Variants in RARA observed in about 807,000 individuals in gnomAD.
RARA encodes PML-DDX5-RARA fusion.
RARA carries 5 observed loss-of-function variants against 42.8 expected under a neutral mutation model. That is an observed-to-expected ratio of 0.12 (90% confidence interval 0.06 to 0.25). RARA has a LOEUF of 0.25. RARA is among the 10% of genes least tolerant of loss of function. The pLI is 1.00. For synonymous variants in RARA, 256 were observed against 259.5 expected (o/e 0.99, Z 0.13); for missense variants, 402 against 628.7 (o/e 0.64, Z 3.86).
rs777091819 is a variant in RARA, at chr17:40,356,392, A to AGACT, written c.*168_*169insCTGA. On this transcript the variant is annotated 3_prime_UTR_variant, in exon 9 of 9. Transcript: ENST00000254066. ...GGGAGGAGGCAGCGACTCCTTGGAC[A>AGACT]GAGGCCTGGGCCCTCAGTGGACTGC... 1.2e-6 allele frequency: 1 copy of AGACT among 822,046 alleles called. No homozygotes were observed. The allele number at this position is 822,046 out of a possible 1,614,324, so 50.9% of individuals were successfully genotyped here.
chr17:40,346,477 C>A (rs1298333653), intron 2 of RARA, among the ~76,000 whole-genome samples: 1 of 150,738 alleles, frequency 6.6e-6, no homozygotes, highest in African/African-American at 2.4e-5. Context: ...GGCCATGGTC[C>A]CCCCAACCCT....
In RARA at chr17:40,355,245, G is replaced by C. The variant is rs748505127; in HGVS notation, c.1013-18G>C. 45 of 1,553,912 alleles carry C rather than the reference G, an allele frequency of 2.9e-5. No homozygotes were observed. Among genetic ancestry groups the C allele is most frequent in the Non-Finnish European group, 3.9e-5 (45 of 1,148,114 alleles). On this transcript the variant is annotated intron_variant, in intron 7 of 8. Coordinates refer to ENST00000254066, the MANE Select transcript of RARA (RefSeq NM_000964.4). The surrounding 1 kb of genome is among the most constrained non-coding windows in gnomAD (Gnocchi z 4.1). The stretch of plus-strand genomic sequence containing the variant: ...AGCTGTGTTCCCAGCTGCTCAGGGG[G>C]TGGTTCTGCTTCCTCAGACCGCCAG...
chr17:40,334,076 G>A (rs565098290), intron 2 of RARA, among the ~76,000 whole-genome samples: 2 of 152,360 alleles, frequency 1.3e-5, no homozygotes, highest in Admixed American at 6.5e-5. Context: ...GAGGGTTGGA[G>A]GTGGGGGCTG....
intron 2 of RARA, among the ~76,000 whole-genome samples, chr17:40,333,061 T>C (rs1406221711): frequency 6.6e-6 from 1 of 152,224 alleles, no homozygotes; most frequent in Non-Finnish European, 1.5e-5. Flanking sequence ...TATTTATTTA[T>C]TTTTTTGAGA....
chr17:40,318,551 G>C (rs1251544106), intron 1 of RARA: 4 of 152,256 alleles, frequency 2.6e-5, no homozygotes, highest in Non-Finnish European at 4.4e-5. Flanking sequence ...CTGGGTACCG[G>C]GAGGCTTCCG....
At position 40,356,411 on chromosome 17, in the gene RARA, G is replaced by GGACT; in HGVS notation, c.*187_*190dup. On this transcript the variant is annotated 3_prime_UTR_variant, in exon 9 of 9. Coordinates refer to ENST00000254066, the MANE Select transcript of RARA (RefSeq NM_000964.4). Reference sequence around the variant, plus strand: ...TTGGACAGAGGCCTGGGCCCTCAGTGGACTGCCTGCTCCCACAGCCTGGGC... The same window carrying GGACT: ...TTGGACAGAGGCCTGGGCCCTCAGTGGACTGACTGCCTGCTCCCACAGCCTGGGC... 1 of 756,848 alleles carries GGACT rather than the reference G, an allele frequency of 1.3e-6. No individual in the cohort carries two copies. The highest frequency in any genetic ancestry group is 1.5e-5 in the South Asian group (1 of 67,658). The allele number at this position is 756,848 out of a possible 1,614,324, so 46.9% of individuals were successfully genotyped here.
At position 40,354,544 on chromosome 17, in the gene RARA, C is replaced by A; in HGVS notation, c.1012+38C>A. ...CCTGGGTCTGGGGGCTGGGCTGGGA[C>A]GGGGGTGCAGCCCTGGAGTCTCTTC... is the stretch of plus-strand genomic sequence containing the variant. On this transcript the variant is annotated intron_variant, in intron 7 of 8. Transcript: ENST00000254066. The surrounding 1 kb of genome is among the most constrained non-coding windows in gnomAD (Gnocchi z 4.5). 1 of 963,524 alleles carries A rather than the reference C, an allele frequency of 1.0e-6. No individual in the cohort carries two copies. Among genetic ancestry groups the A allele is most frequent in the Non-Finnish European group, 1.6e-6 (1 of 629,862 alleles). The allele number at this position is 963,524 out of a possible 1,614,324, so 59.7% of individuals were successfully genotyped here.
At position 40,335,947 on chromosome 17, in the gene RARA, G is replaced by A. The variant is rs138341233; in HGVS notation, c.178+4551G>A. On this transcript the variant is annotated intron_variant, in intron 2 of 8. Coordinates refer to ENST00000254066, the MANE Select transcript of RARA (RefSeq NM_000964.4). ...GAGCCTGAGAGGTTGAGGCTGCAGT[G>A]AGCTATGATCACGCCACTGCACTCC... Among the ~76,000 whole-genome samples the A allele has an allele frequency of 1.3e-3, 192 of 147,548 alleles. 2 individuals are homozygous for A. The highest frequency in any genetic ancestry group is 4.6e-3 in the African/African-American group (185 of 39,872).
chr17:40,332,086 G>T (rs1199064814), intron 2 of RARA, among the ~76,000 whole-genome samples: 1 of 152,232 alleles, frequency 6.6e-6, no homozygotes, highest in Non-Finnish European at 1.5e-5. Flanking sequence ...GAGGTCACTT[G>T]TTGGCTGGGC....
chr17:40,337,407 T>C (rs1271865876), intron 2 of RARA, among the ~76,000 whole-genome samples: 5 of 152,020 alleles, frequency 3.3e-5, no homozygotes, highest in African/African-American at 1.2e-4. Context: ...CTCCTCTCTG[T>C]TTTGGATCCT....
At chr17:40,349,736 C>T (rs1285726758) in intron 3 of RARA, 48 bp from the exon 4 acceptor site, 4 of 1,608,460 alleles carry the variant, frequency 2.5e-6, no homozygotes, top group African/African-American at 2.7e-5. Flanking sequence ...CCAGGCACTG[C>T]TCCCACTGTG....
At chr17:40,346,911 G>A (rs1003187931) in intron 2 of RARA, among the ~76,000 whole-genome samples, 1 of 152,228 alleles carries the variant, frequency 6.6e-6, no homozygotes, top group Non-Finnish European at 1.5e-5. Flanking sequence ...TGGTGCCCAG[G>A]CACTACTAAG....
chr17:40,345,014 T>C lies in RARA; in HGVS notation c.179-3302T>C, dbSNP rs568108436. On this transcript the variant is annotated intron_variant, in intron 2 of 8. Coordinates refer to ENST00000254066, the MANE Select transcript of RARA (RefSeq NM_000964.4). The surrounding 1 kb of genome is among the most constrained non-coding windows in gnomAD (Gnocchi z 4.8). ...GAAGGTGGGAAGAGCAGGTTGGCTC[T>C]GGGAGGAGGTGGCCTGGGTTCTGCA... Among the ~76,000 whole-genome samples the C allele has an allele frequency of 3.9e-5, 6 of 152,314 alleles. No individual in the cohort carries two copies. The East Asian group carries it at 1.2e-3, about 29-fold the overall frequency.
rs1198583772 is a variant in RARA, at chr17:40,321,735, C to T, written c.-362-9122C>T. On this transcript the variant is annotated intron_variant, in intron 1 of 8. Coordinates refer to ENST00000254066, the MANE Select transcript of RARA (RefSeq NM_000964.4). ...TAGGCTGCTGCCAGGCTGGCCCGCA[C>T]CTGTTGCCAACCCCAGCCCTATAAC... 3.3e-5 allele frequency among the ~76,000 whole-genome samples: 5 copies of T among 152,222 alleles called. No individual in the cohort carries two copies. In the East Asian group the frequency reaches 9.6e-4, roughly 29 times the overall value.
Position 40,357,200 on chromosome 17 carries a change from G to A in RARA, c.*974G>A, listed in dbSNP as rs1272148768. 4.6e-5 allele frequency: 11 copies of A among 238,504 alleles called. 1 individual carries two copies. The highest frequency in any genetic ancestry group is 1.3e-3 in the Middle Eastern group (1 of 796). 14.8% of individuals were successfully genotyped at this position (238,504 alleles called of 1,614,324 possible). A position where few individuals can be genotyped will look rare whatever the true frequency, so the allele number is the denominator to read the frequency against. ...TGGCTCCTCGGCAGAGCTGCCTCCC[G>A]TCAGGGCCCACATCATCTAGGCTCC... On this transcript the variant is annotated 3_prime_UTR_variant, in exon 9 of 9. Coordinates refer to ENST00000254066, the MANE Select transcript of RARA (RefSeq NM_000964.4).
chr17:40,321,348 C>T (rs2033372194), intron 1 of RARA, among the ~76,000 whole-genome samples: 1 of 151,978 alleles, frequency 6.6e-6, no homozygotes, highest in African/African-American at 2.4e-5. Flanking sequence ...CCCTCGCTCC[C>T]CCCTAGCTGG....
chr17:40,342,363 A>G, intron 2 of RARA: 1 of 1,079,828 alleles, frequency 9.3e-7, no homozygotes, highest in Non-Finnish European at 1.1e-6. Context: ...GGACTTGGGG[A>G]GCCGCTGTAC....
intron 1 of RARA, among the ~76,000 whole-genome samples, chr17:40,325,300 A>AAATAAAT (rs2033508592): frequency 2.1e-5 from 3 of 142,520 alleles, no homozygotes; most frequent in South Asian, 4.4e-4. Context: ...AATAAATAAA[A>AAATAAAT]AGAGGCTGGG....
rs1485605714 is a variant in RARA, at chr17:40,326,070, C to G, written c.-362-4787C>G. On this transcript the variant is annotated intron_variant, in intron 1 of 8. Transcript: ENST00000254066. This position sits in a 1 kb window ranked among gnomAD's most constrained non-coding sequence, Gnocchi z 5.2. ...ACCCACACCCCGAATATCCCTTTCC[C>G]CACATCCCTCTCCTCCATCCGAGGG... Among the ~76,000 whole-genome samples, 1 of 152,238 alleles carries G rather than the reference C, an allele frequency of 6.6e-6. No individual in the cohort carries two copies. The highest frequency in any genetic ancestry group is 1.5e-5 in the Non-Finnish European group (1 of 68,040).
Sources: gnomAD v4.1 joint callset for allele counts (sites outside exome capture counted in the v4.1 genomes callset) on GRCh38, gnomAD v4.1.1 for gene constraint, Gnocchi (gnomAD v3.1) non-coding constraint, MANE v1.5 for transcripts, NCBI Gene and HGNC (gene_info 2026-07-23, HGNC 2026-07-21) for gene names.